The following PHF3 variants were observed in gnomAD, a reference collection of about 807,000 sequenced individuals.
The protein encoded by PHF3 is PHD finger protein 3.
A neutral mutation model predicts 178.4 loss-of-function variants in PHF3; 41 were observed. The ratio of observed to expected loss-of-function variants is 0.23; its 90% CI spans 0.18 to 0.30. PHF3 has a LOEUF of 0.30. Among genes scored for constraint, PHF3 ranks in the 10% least tolerant of loss-of-function variants. PHF3 has a pLI of 1.00. For synonymous variants in PHF3, 842 were observed against 800.5 expected, an observed-to-expected ratio of 1.05 and a Z score of -0.88; for missense variants, 2,346 against 2,398.1, an observed-to-expected ratio of 0.98 and a Z score of 0.45.
At chr6:63,647,196 G>A (rs144980785) in intron 2 of PHF3, among the ~76,000 whole-genome samples, 1 of 152,056 alleles carries the variant, frequency 6.6e-6, no homozygotes, top group African/African-American at 2.4e-5. Context: ...TGCTGGAGTC[G>A]GGGGATGGCT....
intron 13 of PHF3, among the ~76,000 whole-genome samples, chr6:63,708,182 G>A (rs1027156254): frequency 1.3e-5 from 2 of 152,018 alleles, no homozygotes; most frequent in Admixed American, 6.5e-5. Flanking sequence ...GTGTGTTTTC[G>A]ATTAATAAAC....
Position 63,694,638 on chromosome 6 carries a change from C to T in PHF3, c.2554C>T (p.Gln852Ter). The change falls in exon 6 of 16, where the codon CAG becomes TAG. Residue 852 changes from glutamine to a stop codon, truncating the protein, a stop_gained. Coordinates refer to ENST00000262043, the MANE Select transcript of PHF3 (RefSeq NM_001370348.2). LOFTEE classifies it high-confidence loss of function. ...TAGAGATAATGAAATTAAAAAATGGCAGCTAGCTCCTCTTCGTAAGATGGG... is the reference window on the plus strand; with the variant it reads ...TAGAGATAATGAAATTAAAAAATGGTAGCTAGCTCCTCTTCGTAAGATGGG... Reference protein sequence around the residue: ...DCRDNEIKKWQLAPLRKMGQP... With the variant: ...DCRDNEIKKW 1 of 1,586,326 alleles carries T rather than the reference C, an allele frequency of 6.3e-7. No homozygotes were observed.
Position 63,712,085 on chromosome 6 carries a change from A to G in PHF3, c.4497A>G (p.Leu1499=). 6.2e-7 allele frequency: 1 copy of G among 1,613,744 alleles called. No individual in the cohort carries two copies. Among genetic ancestry groups the G allele is most frequent in the South Asian group, 1.1e-5 (1 of 91,082 alleles). Residue 1499 remains leucine, a synonymous_variant, in exon 16 of 16, where the codon TTA becomes TTG. Coordinates refer to ENST00000262043, the MANE Select transcript of PHF3 (RefSeq NM_001370348.2). ...EQNTVKEIPF[L]NEQTNSKIEK... ...ACACTGTTAAAGAAATTCCATTTTT[A>G]AATGAGCAGACCAACTCAAAAATAG...
rs1463825308 is a variant in PHF3 at position 63,691,927 on chromosome 6, C to T, written c.2380C>T (p.His794Tyr). 6.2e-6 allele frequency: 10 copies of T among 1,613,288 alleles called. No individual in the cohort carries two copies. Among genetic ancestry groups the T allele is most frequent in the Non-Finnish European group, 8.5e-6 (10 of 1,179,734 alleles). Residue 794 changes from histidine (H) to tyrosine (Y), a missense_variant, in exon 5 of 16, where the codon CAT becomes TAT. His to Tyr is a moderately conservative substitution (Grantham distance 83, BLOSUM62 2). Coordinates refer to ENST00000262043, the MANE Select transcript of PHF3 (RefSeq NM_001370348.2). Reference sequence around the variant, plus strand: ...GGAAAACCAAGCTACAGTTGAATTCCATAGTGGAGATAAAACAATGGAGTG... The same window carrying T: ...GGAAAACCAAGCTACAGTTGAATTCTATAGTGGAGATAAAACAATGGAGTG... ...TLENQATVEF[H>Y]SGDKTMECEK...
intron 2 of PHF3, among the ~76,000 whole-genome samples, chr6:63,673,969 G>A (rs934333433): frequency 6.6e-6 from 1 of 152,142 alleles, no homozygotes; most frequent in Non-Finnish European, 1.5e-5. Flanking sequence ...GGCTTTTGCT[G>A]TATCTGGTAA....
intron 1 of PHF3, 146 bp downstream of exon 1, chr6:63,636,296 CCT>C (rs1189683751): frequency 4.6e-6 from 1 of 217,616 alleles, no homozygotes; most frequent in Admixed American, 5.9e-5. Flanking sequence ...CGAGAGATCG[CCT>C]CTCGGGCCTC....
intron 11 of PHF3, among the ~76,000 whole-genome samples, chr6:63,705,245 T>A (rs1456087262): frequency 1.3e-5 from 2 of 152,206 alleles, no homozygotes; most frequent in Non-Finnish European, 2.9e-5. Context: ...AGTAATAATA[T>A]TTTCATTTTA....
rs1449968840 is a variant in PHF3, at chr6:63,724,331, G to T, written c.*10623G>T. 3.3e-5 allele frequency among the ~76,000 whole-genome samples: 5 copies of T among 152,094 alleles called. No homozygotes were observed. Among genetic ancestry groups the T allele is most frequent in the African/African-American group, 1.2e-4 (5 of 41,428 alleles). ...AAACCTTGTAGGACCTAATATTTGT[G>T]AAGAGACTACAGAATCAGCATATCA... On this transcript the variant is annotated 3_prime_UTR_variant, in exon 16 of 16. Coordinates refer to ENST00000262043, the MANE Select transcript of PHF3 (RefSeq NM_001370348.2).
chr6:63,700,007 G>A (rs900354803), intron 8 of PHF3, among the ~76,000 whole-genome samples: 6 of 152,142 alleles, frequency 3.9e-5, no homozygotes, highest in Non-Finnish European at 8.8e-5. Flanking sequence ...ATTACATTGA[G>A]TAAAGCTCTT....
intron 2 of PHF3, chr6:63,679,578 A>T (rs550893431): frequency 1.5e-5 from 4 of 275,650 alleles, no homozygotes; most frequent in South Asian, 3.9e-5. Context: ...GAGTATTGGG[A>T]TCCCAGTTAG....
intron 2 of PHF3, among the ~76,000 whole-genome samples, chr6:63,664,398 ATGGG>A (rs1463339312): frequency 6.6e-6 from 1 of 152,138 alleles, no homozygotes; most frequent in Non-Finnish European, 1.5e-5. Flanking sequence ...TCTGAAGGAG[ATGGG>A]TGTCAAAATT....
chr6:63,709,250 A>G lies in PHF3; in HGVS notation c.3801+10A>G. 1.3e-6 allele frequency: 2 copies of G among 1,516,572 alleles called. No individual in the cohort carries two copies. Among genetic ancestry groups the G allele is most frequent in the Non-Finnish European group, 1.8e-6 (2 of 1,093,056 alleles). 93.9% of individuals were successfully genotyped at this position (1,516,572 alleles called of 1,614,324 possible). Reference sequence around the variant, plus strand: ...AGCATCAGGAACCAAGGTGAGGAAAACTTTTTTCACTATACCAGCATGGGA... The same window carrying G: ...AGCATCAGGAACCAAGGTGAGGAAAGCTTTTTTCACTATACCAGCATGGGA... On this transcript the variant is annotated intron_variant, in intron 14 of 15. Coordinates refer to ENST00000262043, the MANE Select transcript of PHF3 (RefSeq NM_001370348.2).
At chr6:63,710,809 C>T (rs549125103) in intron 14 of PHF3, among the ~76,000 whole-genome samples, 109 of 152,224 alleles carry the variant, frequency 7.2e-4, no homozygotes, top group Non-Finnish European at 1.4e-3. Flanking sequence ...GAGGTTACAG[C>T]ATTGGAAATC....
rs1046482605 is a variant in PHF3 at position 63,672,821 on chromosome 6, C to T, written c.245-7179C>T. On this transcript the variant is annotated intron_variant, in intron 2 of 15. Transcript: ENST00000262043. The stretch of plus-strand genomic sequence containing the variant: ...TCAATCCCAGCCGCCATACTTGAAC[C>T]ACTCAGACTTCTGTGTGTTCAAAGT... Among the ~76,000 whole-genome samples, 3 of 152,188 alleles carry T rather than the reference C, an allele frequency of 2.0e-5. No individual in the cohort carries two copies. In the East Asian group the frequency reaches 5.8e-4, roughly 29 times the overall value.
chr6:63,678,248 ACAACAAAAAACAACAG>A (rs1283001588), intron 2 of PHF3, among the ~76,000 whole-genome samples: 7 of 151,948 alleles, frequency 4.6e-5, no homozygotes, highest in Non-Finnish European at 1.0e-4. Flanking sequence ...AAAACAAAAA[ACAACAAAAAACAACAG>A]CAACAAAAAC....
chr6:63,646,743 T>A lies in PHF3; in HGVS notation c.192T>A (p.Cys64Ter). 6.2e-7 allele frequency: 1 copy of A among 1,608,854 alleles called. No homozygotes were observed. Residue 64 changes from cysteine (C) to a stop codon, truncating the protein, a stop_gained, in exon 2 of 16, where the codon TGT (cysteine) becomes TGA (stop). Transcript: ENST00000262043. LOFTEE classifies it high-confidence loss of function. ...TAGGATCTGCAAGTAACCAGTTCTG[T>A]TTGCCTGTTTTGGATAGCAATGATC... The part of the protein sequence containing the change: ...PMLGSASNQF[C>*]LPVLDSNDPN...
At chr6:63,663,526 C>T (rs1765555791) in intron 2 of PHF3, among the ~76,000 whole-genome samples, 1 of 152,168 alleles carries the variant, frequency 6.6e-6, no homozygotes, top group African/African-American at 2.4e-5. Context: ...TCCTGTCTGA[C>T]CCCAGAAACA....
Position 63,717,547 on chromosome 6 carries a change from AAGT to A in PHF3, c.*3843_*3845del, listed in dbSNP as rs1768228333. 6.6e-6 allele frequency among the ~76,000 whole-genome samples: 1 copy of A among 152,032 alleles called. No individual in the cohort carries two copies. The highest frequency in any genetic ancestry group is 1.5e-5 in the Non-Finnish European group (1 of 67,962). Reference sequence around the variant, plus strand: ...AATTATAGTAATATGTAGAGCAAAAAAGTAGTGAGTTGAAAACAGATCAGTAGC... The same window carrying A: ...AATTATAGTAATATGTAGAGCAAAAAAGTGAGTTGAAAACAGATCAGTAGC... On this transcript the variant is annotated 3_prime_UTR_variant, in exon 16 of 16. Coordinates refer to ENST00000262043, the MANE Select transcript of PHF3 (RefSeq NM_001370348.2).
chr6:63,699,368 A>G (rs1319408684), intron 8 of PHF3, among the ~76,000 whole-genome samples: 1 of 152,174 alleles, frequency 6.6e-6, no homozygotes, highest in African/African-American at 2.4e-5. Flanking sequence ...ACAGAATGTG[A>G]TTAGATGCAA....
Sources: gnomAD v4.1 joint callset for allele counts (sites outside exome capture counted in the v4.1 genomes callset) on GRCh38, gnomAD v4.1.1 for gene constraint, MANE v1.5 for transcripts, NCBI Gene and HGNC (gene_info 2026-07-23, HGNC 2026-07-21) for gene names.